POFUT3: variants seen among roughly 807,000 people sequenced by gnomAD.
The protein encoded by POFUT3 is GDP-fucose protein O-fucosyltransferase 3.
chr8:33,320,251 T>C, the POFUT3 span, among the ~76,000 whole-genome samples: 1 of 151,904 alleles, frequency 6.6e-6, no homozygotes, highest in African/African-American at 2.4e-5. Flanking sequence ...TCAAAATAAA[T>C]TAGGGGGAAG....
At chr8:33,443,149 T>C in the POFUT3 span, among the ~76,000 whole-genome samples, 1 of 152,180 alleles carries the variant, frequency 6.6e-6, no homozygotes, top group Non-Finnish European at 1.5e-5. Context: ...TGTCTTTACA[T>C]AATTAAAATT....
At chr8:33,319,372 A>AAATATTT in the POFUT3 span, among the ~76,000 whole-genome samples, 2 of 6,366 alleles carry the variant, frequency 3.1e-4, no homozygotes, top group African/African-American at 1.8e-3. Context: ...ATATATATGT[A>AAATATTT]TATATTATAG....
chr8:33,324,421 T>A, the POFUT3 span, among the ~76,000 whole-genome samples: 1 of 152,156 alleles, frequency 6.6e-6, no homozygotes, highest in Non-Finnish European at 1.5e-5. Context: ...ATGCAAGGAT[T>A]TGTACATGTA....
At chr8:33,362,459 A>G in the POFUT3 span, among the ~76,000 whole-genome samples, 10 of 152,354 alleles carry the variant, frequency 6.6e-5, no homozygotes, top group African/African-American at 2.2e-4. Context: ...GCCCCCATTA[A>G]AAGACACAGA....
At chr8:33,318,440 TTA>T in the POFUT3 span, among the ~76,000 whole-genome samples, 5 of 142,704 alleles carry the variant, frequency 3.5e-5, no homozygotes, top group Non-Finnish European at 6.0e-5. Flanking sequence ...ATATATGTAT[TTA>T]TATGTGTGTG....
chr8:33,389,396 G>A, the POFUT3 span: 89 of 1,614,196 alleles, frequency 5.5e-5, no homozygotes, highest in Non-Finnish European at 3.6e-5. Context: ...ATCCATAGAG[G>A]CTGGATTTTT....
chr8:33,359,950 GAGCTGA>G, the POFUT3 span, among the ~76,000 whole-genome samples: 1 of 152,008 alleles, frequency 6.6e-6, no homozygotes, highest in African/African-American at 2.4e-5. Context: ...AGGTTGCAGT[GAGCTGA>G]GATCACGCCA....
chr8:33,325,423 T>G, the POFUT3 span, among the ~76,000 whole-genome samples: 1 of 152,226 alleles, frequency 6.6e-6, no homozygotes, highest in Non-Finnish European at 1.5e-5. Context: ...ACTGAGCCTG[T>G]GTCCTCTGTT....
chr8:33,344,974 G>A, the POFUT3 span, among the ~76,000 whole-genome samples: 522 of 152,298 alleles, frequency 3.4e-3, 6 homozygotes, highest in African/African-American at 0.012. Flanking sequence ...AATAAACAGA[G>A]CTGAATAATA....
At chr8:33,340,397 C>T in the POFUT3 span, among the ~76,000 whole-genome samples, 24 of 150,826 alleles carry the variant, frequency 1.6e-4, no homozygotes, top group East Asian at 4.1e-3. Flanking sequence ...TATATATATA[C>T]ATGTGTGTGT....
the POFUT3 span, among the ~76,000 whole-genome samples, chr8:33,353,479 G>A: frequency 6.6e-6 from 1 of 152,178 alleles, no homozygotes; most frequent in South Asian, 2.1e-4. Context: ...GAGTTCTACA[G>A]CCATCCCCCT....
At chr8:33,424,603 C>A in the POFUT3 span, among the ~76,000 whole-genome samples, 6 of 152,210 alleles carry the variant, frequency 3.9e-5, no homozygotes, top group Non-Finnish European at 7.3e-5. Flanking sequence ...CTGTGTACCA[C>A]TCACAGCTGA....
At chr8:33,412,342 C>A in the POFUT3 span, among the ~76,000 whole-genome samples, 2,245 of 152,300 alleles carry the variant, frequency 0.015, 58 homozygotes, top group African/African-American at 0.05. Flanking sequence ...CAAGACTCAG[C>A]AATGACAATA....
At chr8:33,389,486 T>C in the POFUT3 span, 20 of 1,614,212 alleles carry the variant, frequency 1.2e-5, no homozygotes, top group Admixed American at 3.3e-5. Flanking sequence ...CTCGCGAACA[T>C]AGCTGTCCCT....
the POFUT3 span, among the ~76,000 whole-genome samples, chr8:33,310,690 C>A: frequency 2.9e-4 from 37 of 128,056 alleles, no homozygotes; most frequent in South Asian, 7.7e-4. Flanking sequence ...GACTCCATCT[C>A]AAAAAAAAAA....
At chr8:33,347,133 A>G in the POFUT3 span, among the ~76,000 whole-genome samples, 3 of 152,280 alleles carry the variant, frequency 2.0e-5, no homozygotes, top group South Asian at 4.2e-4. Flanking sequence ...CACAAAAACA[A>G]GAGAACCGCT....
the POFUT3 span, among the ~76,000 whole-genome samples, chr8:33,374,878 C>CT: frequency 0.21 from 29,748 of 141,360 alleles, 3,522 homozygotes; most frequent in South Asian, 0.47. Flanking sequence ...CTTTTCTTTT[C>CT]TTTTTTTTTT....
the POFUT3 span, among the ~76,000 whole-genome samples, chr8:33,468,365 T>G: frequency 6.6e-6 from 1 of 152,160 alleles, no homozygotes; most frequent in African/African-American, 2.4e-5. Flanking sequence ...GAAGACTCCT[T>G]TGCCCATTTC....
At chr8:33,389,179 T>C in the POFUT3 span, 1 of 1,614,160 alleles carries the variant, frequency 6.2e-7, no homozygotes, top group Non-Finnish European at 8.5e-7. Flanking sequence ...AACTTGCCAG[T>C]TCCCTGGGGT....
Sources: allele counts gnomAD v4.1 joint callset (sites outside exome capture counted in the v4.1 genomes callset), GRCh38; gene constraint gnomAD v4.1.1; transcripts MANE v1.5; gene names NCBI Gene and HGNC (gene_info 2026-07-23, HGNC 2026-07-21).